The following ALG8 variants were observed in gnomAD, a reference collection of about 807,000 sequenced individuals.
ALG8 encodes ALG8 alpha-1,3-glucosyltransferase, also known as dolichyl pyrophosphate Glc1Man9GlcNAc2 alpha-1,3-glucosyltransferase.
Under a neutral mutation model 70.2 loss-of-function variants are expected in ALG8, and 48 were observed. The observed-to-expected ratio is 0.68, with a 90% CI of 0.54 to 0.87. The LOEUF (loss-of-function observed/expected upper bound fraction) is 0.87, where lower values mean the gene tolerates loss of function less well. Among genes scored for constraint, ALG8 ranks in the 40% least tolerant of loss-of-function variants. The pLI is 0.00. For synonymous variants in ALG8, 234 were observed against 229.0 expected, an observed-to-expected ratio of 1.02 and a Z score of -0.20; for missense variants, 572 against 608.7, an observed-to-expected ratio of 0.94 and a Z score of 0.64.
At chr11:78,108,127 A>T (rs569414295) in intron 9 of ALG8, among the ~76,000 whole-genome samples, 1 of 151,978 alleles carries the variant, frequency 6.6e-6, no homozygotes, top group Non-Finnish European at 1.5e-5. Context: ...AAATACAAAA[A>T]AAATTAGCCG....
chr11:78,138,565 AG>A lies in ALG8; in HGVS notation c.95+928del, dbSNP rs530005729. The A allele has an allele frequency of 6.2e-4, 232 of 374,556 alleles. 1 individual carries two copies. The highest frequency in any genetic ancestry group is 4.6e-3 in the South Asian group (226 of 49,328). The allele number at this position is 374,556 out of a possible 1,614,324, so 23.2% of individuals were successfully genotyped here. A position where few individuals can be genotyped will look rare whatever the true frequency, so the allele number is the denominator to read the frequency against. The stretch of plus-strand genomic sequence containing the variant: ...TCCCATATTCAACAAGAGATCACCA[AG>A]AGCCTGAATCAAAGGATACCAATAA... On this transcript the variant is annotated intron_variant, in intron 1 of 12. Transcript: ENST00000299626.
At chr11:78,113,056 C>A (rs547213870) in intron 7 of ALG8, among the ~76,000 whole-genome samples, 1 of 152,150 alleles carries the variant, frequency 6.6e-6, no homozygotes, top group African/African-American at 2.4e-5. Context: ...ACACAGACTG[C>A]AGCTTATCCA....
In ALG8 at chr11:78,114,288, G is replaced by A. The variant is rs780484107; in HGVS notation, c.651C>T (p.Tyr217=). 1 of 1,614,114 alleles carries A rather than the reference G, an allele frequency of 6.2e-7. No homozygotes were observed. The highest frequency in any genetic ancestry group is 1.7e-5 in the Admixed American group (1 of 60,010). The stretch of plus-strand genomic sequence containing the variant: ...TGCCTGGTTTATTTGCAGTGAAACA[G>A]TAGGATCGCAGCAGATATACACCAT... The part of the protein sequence containing the change: ...PAYGVYLLRS[Y]CFTANKPDGS... The change falls in exon 6 of 13, where the codon TAC becomes TAT. Residue 217 remains tyrosine (Y), a synonymous_variant. Transcript: ENST00000299626.
At chr11:78,104,322 G>C (rs1859923488) in intron 11 of ALG8, 34 bp downstream of exon 11, 1 of 1,525,204 alleles carries the variant, frequency 6.6e-7, no homozygotes, top group Non-Finnish European at 8.8e-7. Flanking sequence ...GGTTGTGATA[G>C]TCAAATATAT....
intron 11 of ALG8, 52 bp from the exon 12 acceptor site, chr11:78,104,104 T>C: frequency 8.5e-7 from 1 of 1,175,644 alleles, no homozygotes; most frequent in Non-Finnish European, 1.2e-6. Flanking sequence ...CAGAAAGACT[T>C]ATGATGCTGA....
At chr11:78,107,179 T>C (rs1443255838) in intron 9 of ALG8, among the ~76,000 whole-genome samples, 1 of 138,982 alleles carries the variant, frequency 7.2e-6, no homozygotes, top group Non-Finnish European at 1.5e-5. Context: ...TATATGTAAA[T>C]AAATATATTT....
Position 78,101,000 on chromosome 11 carries a change from C to T in ALG8, c.1545G>A (p.Leu515=). ...YAWFKLYVSV[L]IDSAIGKTKK... is the part of the protein sequence containing the mutation. ...TTGTCTTGCCAATAGCAGAGTCAAT[C>T]AATACTGAAACATACAGTTTGAACC... Residue 515 remains leucine (L), a synonymous_variant, in exon 13 of 13, where the codon TTG becomes TTA. Transcript: ENST00000299626. 1 of 1,614,164 alleles carries T rather than the reference C, an allele frequency of 6.2e-7. No homozygotes were observed. The highest frequency in any genetic ancestry group is 8.5e-7 in the Non-Finnish European group (1 of 1,180,026).
intron 1 of ALG8, chr11:78,139,155 C>T: frequency 2.6e-6 from 1 of 386,732 alleles, no homozygotes; most frequent in East Asian, 5.9e-5. Context: ...CCGCATCTCC[C>T]GGGAGTTAGA....
intron 6 of ALG8, 51 bp downstream of exon 6, chr11:78,114,215 C>T (rs374436755): frequency 1.3e-4 from 207 of 1,611,072 alleles, no homozygotes; most frequent in African/African-American, 1.2e-3. Flanking sequence ...ACCAAGTCAA[C>T]ACAGTAAGGG....
Position 78,104,001 on chromosome 11 carries a change from G to T in ALG8, c.1328C>A (p.Ser443Ter). Residue 443 changes from serine to a stop codon, truncating the protein, a stop_gained, in exon 12 of 13, where the codon TCG (serine) becomes TAG (stop). Transcript: ENST00000299626. LOFTEE classifies it high-confidence loss of function. ...TTACCTGAATAAAGTCTTCAGTGAC[G>T]AAATACTATATATGGTGAATAGTAA... Reference protein sequence around the residue: ...LMLLFTIYSISSLKTLFRKEK... With the variant: ...LMLLFTIYSI 8 of 1,494,302 alleles carry T rather than the reference G, an allele frequency of 5.4e-6. No homozygotes were observed. Among genetic ancestry groups the T allele is most frequent in the Non-Finnish European group, 7.4e-6 (8 of 1,075,798 alleles). The allele number at this position is 1,494,302 out of a possible 1,614,324, so 92.6% of individuals were successfully genotyped here.
rs1323512637 is a variant in ALG8 at position 78,139,493 on chromosome 11, C to T, written c.95+1G>A. The T allele has an allele frequency of 3.9e-6, 6 of 1,556,742 alleles. No individual in the cohort carries two copies. Among genetic ancestry groups the T allele is most frequent in the Middle Eastern group, 1.7e-4 (1 of 6,018 alleles). On this transcript the variant is annotated splice_donor_variant, in intron 1 of 12. Transcript: ENST00000299626. LOFTEE classifies it high-confidence loss of function. Reference sequence around the variant, plus strand: ...AGCCCCTGGCCGTGCGAGTCCCTTACTATGTGGGGATGAGAAGGCATTTGA... The same window carrying T: ...AGCCCCTGGCCGTGCGAGTCCCTTATTATGTGGGGATGAGAAGGCATTTGA...
At position 78,104,430 on chromosome 11, in the gene ALG8, C is replaced by T; in HGVS notation, c.1202G>A (p.Gly401Glu). ...CAGAATCAGAAAAATCGAAGCGTCT[C>T]CTGCTTTTCCCACAGACAAAAGGCT... ...PMSLLSVGKAGDASIFLILTT... is the reference protein window; with the variant it reads ...PMSLLSVGKAEDASIFLILTT... The change falls in exon 11 of 13, where the codon GGA becomes GAA. Residue 401 changes from glycine (G) to glutamate (E), a missense_variant. Transcript: ENST00000299626. 1 of 1,592,470 alleles carries T rather than the reference C, an allele frequency of 6.3e-7. No individual in the cohort carries two copies. The highest frequency in any genetic ancestry group is 1.3e-5 in the African/African-American group (1 of 74,726).
In ALG8 at chr11:78,124,036, A is replaced by C. The variant is rs1399999583; in HGVS notation, c.353T>G (p.Val118Gly). The C allele has an allele frequency of 8.1e-6, 13 of 1,614,068 alleles. No homozygotes were observed. Among genetic ancestry groups the C allele is most frequent in the Non-Finnish European group, 1.1e-5 (13 of 1,180,046 alleles). Residue 118 changes from valine to glycine, a missense_variant, in exon 3 of 13, where the codon GTG becomes GGG. Physicochemically the swap from Val to Gly is moderately radical, Grantham distance 109. Coordinates refer to ENST00000299626, the MANE Select transcript of ALG8 (RefSeq NM_024079.5). ...CCAGACTTACTCACGGACAGCATAC[A>C]CAAAGAGTACATCCATAAAGATGAC... Reference protein sequence around the residue: ...FSVIFMDVLFVYAVRECCKCI... With the variant: ...FSVIFMDVLFGYAVRECCKCI...
chr11:78,121,682 G>A (rs184652007), intron 3 of ALG8, among the ~76,000 whole-genome samples: 8 of 151,976 alleles, frequency 5.3e-5, no homozygotes, highest in Non-Finnish European at 1.2e-4. Context: ...AAAAAGCCAC[G>A]TAAACCCCAA....
Position 78,139,548 on chromosome 11 carries a change from A to C in ALG8, c.41T>G (p.Phe14Cys). 6.4e-7 allele frequency: 1 copy of C among 1,563,320 alleles called. No individual in the cohort carries two copies. Reference protein sequence around the residue: ...LTIATGTGNWFSALALGVTLL... With the variant: ...LTIATGTGNWCSALALGVTLL... ...AGTCACCCCGAGCGCCAAAGCCGAA[A>C]ACCAATTGCCAGTACCCGTGGCAAT... The change falls in exon 1 of 13, where the codon TTT (phenylalanine) becomes TGT (cysteine). Residue 14 changes from phenylalanine to cysteine, a missense_variant. Transcript: ENST00000299626.
At chr11:78,125,492 A>G (rs1245648157) in intron 2 of ALG8, among the ~76,000 whole-genome samples, 3 of 150,960 alleles carry the variant, frequency 2.0e-5, no homozygotes, top group East Asian at 2.0e-4. Context: ...TGGGCCGGGC[A>G]TAGTGGCTCA....
intron 1 of ALG8, among the ~76,000 whole-genome samples, chr11:78,131,881 T>C (rs532663274): frequency 2.6e-5 from 4 of 152,366 alleles, no homozygotes; most frequent in Admixed American, 6.5e-5. Context: ...AGCTTTCACA[T>C]TGCAGCCAAA....
intron 1 of ALG8, 92 bp from the exon 2 acceptor site, chr11:78,127,528 C>T: frequency 1.8e-6 from 2 of 1,106,892 alleles, no homozygotes; most frequent in Non-Finnish European, 2.7e-6. Context: ...GACTGACATT[C>T]CCTAAGCTGT....
chr11:78,114,214 A>G (rs1036755831), intron 6 of ALG8, 52 bp downstream of exon 6: 1 of 1,611,104 alleles, frequency 6.2e-7, no homozygotes, highest in African/African-American at 1.3e-5. Flanking sequence ...CACCAAGTCA[A>G]CACAGTAAGG....
Sources: allele counts gnomAD v4.1 joint callset (sites outside exome capture counted in the v4.1 genomes callset), GRCh38; gene constraint gnomAD v4.1.1; transcripts MANE v1.5; gene names NCBI Gene and HGNC (gene_info 2026-07-23, HGNC 2026-07-21).